STAU1: variants seen among roughly 807,000 people sequenced by gnomAD.
STAU1 encodes the protein double-stranded RNA-binding protein Staufen homolog 1.
Under a neutral mutation model 62.9 loss-of-function variants are expected in STAU1, and 13 were observed. The ratio of observed to expected loss-of-function variants is 0.21; its 90% CI spans 0.13 to 0.33. The LOEUF (loss-of-function observed/expected upper bound fraction) is 0.33. Ranked by LOEUF, STAU1 falls within the 10% of genes least tolerant of loss-of-function variation. The pLI is 1.00. For missense variants in STAU1, 571 were observed against 712.1 expected (o/e 0.80, Z 2.25); for synonymous variants, 269 against 265.1 (o/e 1.01, Z -0.14).
chr20:49,186,962 G>C (rs895295724), intron 1 of STAU1, among the ~76,000 whole-genome samples: 3 of 152,058 alleles, frequency 2.0e-5, no homozygotes, highest in African/African-American at 7.2e-5. Flanking sequence ...AAGCAATACT[G>C]CAACACGGAG....
At chr20:49,171,813 C>T (rs1450494126) in intron 2 of STAU1, among the ~76,000 whole-genome samples, 2 of 151,576 alleles carry the variant, frequency 1.3e-5, no homozygotes, top group African/African-American at 4.9e-5. Flanking sequence ...CCAAAATGAC[C>T]GCTTTAAGGT....
At chr20:49,183,287 T>C (rs2146605321) in intron 1 of STAU1, among the ~76,000 whole-genome samples, 1 of 152,260 alleles carries the variant, frequency 6.6e-6, no homozygotes, top group African/African-American at 2.4e-5. Flanking sequence ...AAGCTCTTAT[T>C]TGAGAGGGGA....
intron 5 of STAU1, among the ~76,000 whole-genome samples, chr20:49,137,189 G>T (rs377039215): frequency 6.6e-6 from 1 of 152,046 alleles, no homozygotes; most frequent in Non-Finnish European, 1.5e-5. Context: ...TAAAAATAAA[G>T]AAATAAATAA....
In STAU1 at chr20:49,151,625, G is replaced by A. The variant is rs752062985; in HGVS notation, c.467C>T (p.Ala156Val). Residue 156 changes from alanine (A) to valine (V), a missense_variant, in exon 5 of 14, where the codon GCG becomes GTG. Ala to Val is a moderately conservative substitution (Grantham distance 64). Around this residue, in one of 3 missense-constraint regions of STAU1, gnomAD observed 414 missense variants for 499.6 expected, o/e 0.83. Transcript: ENST00000371856. ...GGGCTCATTCTGCAGGATCCTCAAC[G>A]CTTTGGCAGCAGCATCGTGTTTCGC... Reference protein sequence around the residue: ...QAAKHDAAAKALRILQNEPLP... With the variant: ...QAAKHDAAAKVLRILQNEPLP... 10 of 1,611,710 alleles carry A rather than the reference G, an allele frequency of 6.2e-6. No homozygotes were observed. Among genetic ancestry groups the A allele is most frequent in the Middle Eastern group, 1.6e-4 (1 of 6,076 alleles).
chr20:49,134,474 G>A (rs1005642397), intron 6 of STAU1: 13 of 781,858 alleles, frequency 1.7e-5, no homozygotes, highest in African/African-American at 3.6e-5. Context: ...CCCGGGCGCC[G>A]CCAAGATGCC....
intron 6 of STAU1, among the ~76,000 whole-genome samples, chr20:49,132,147 G>A (rs1338397427): frequency 6.6e-6 from 1 of 151,992 alleles, no homozygotes; most frequent in Non-Finnish European, 1.5e-5. Context: ...CCCGTGGACT[G>A]ATTTTAAAGA....
chr20:49,125,879 T>C (rs1353276611), intron 6 of STAU1, among the ~76,000 whole-genome samples: 1 of 151,752 alleles, frequency 6.6e-6, no homozygotes, highest in African/African-American at 2.4e-5. Context: ...CTACAACAGG[T>C]GTGAGGGATT....
chr20:49,159,786 T>G (rs2093421117), intron 3 of STAU1, among the ~76,000 whole-genome samples: 1 of 152,152 alleles, frequency 6.6e-6, no homozygotes, highest in South Asian at 2.1e-4. Flanking sequence ...GGTCTCAAAC[T>G]CCTGACCTCA....
chr20:49,194,429 C>CAA, the STAU1 span, among the ~76,000 whole-genome samples: 266 of 81,110 alleles, frequency 3.3e-3, 4 homozygotes, highest in African/African-American at 0.014. Flanking sequence ...AACTCCGTCT[C>CAA]AAAAAAAAAA....
chr20:49,138,666 A>G (rs1012437954), intron 5 of STAU1, among the ~76,000 whole-genome samples: 1 of 151,556 alleles, frequency 6.6e-6, no homozygotes, highest in African/African-American at 2.4e-5. Context: ...ACTCCCAGCT[A>G]TTTTTTTTAA....
chr20:49,127,677 G>A (rs2092660382), intron 6 of STAU1, among the ~76,000 whole-genome samples: 1 of 151,532 alleles, frequency 6.6e-6, no homozygotes, highest in South Asian at 2.1e-4. Flanking sequence ...TTGCATTCCA[G>A]CCCGGATGAC....
the STAU1 span, among the ~76,000 whole-genome samples, chr20:49,213,775 C>G: frequency 6.6e-6 from 1 of 152,204 alleles, no homozygotes; most frequent in Non-Finnish European, 1.5e-5. Flanking sequence ...ACTACTGTCT[C>G]TTTCAAACTC....
the STAU1 span, among the ~76,000 whole-genome samples, chr20:49,213,966 C>G: frequency 6.6e-6 from 1 of 152,216 alleles, no homozygotes; most frequent in East Asian, 1.9e-4. Context: ...AATCCCAGCA[C>G]TTTGGGAGGC....
At chr20:49,164,291 CAAG>C (rs1174147587) in intron 3 of STAU1, among the ~76,000 whole-genome samples, 3 of 151,822 alleles carry the variant, frequency 2.0e-5, no homozygotes, top group Non-Finnish European at 4.4e-5. Context: ...CCTTGCCAGC[CAAG>C]AAGGAGACTT....
At position 49,124,370 on chromosome 20, in the gene STAU1, C is replaced by A. The variant is rs2092541871; in HGVS notation, c.822+5G>T. 6.2e-7 allele frequency: 1 copy of A among 1,613,250 alleles called. No individual in the cohort carries two copies. Among genetic ancestry groups the A allele is most frequent in the African/African-American group, 1.3e-5 (1 of 74,872 alleles). On this transcript the variant is annotated splice_donor_5th_base_variant and intron_variant, in intron 7 of 13. Transcript: ENST00000371856. ...AACACCTTCTGTGTTCAGAAAAGTT[C>A]TCACCTTGACTATGGGTTTTGTTTT...
chr20:49,204,735 G>A, the STAU1 span, among the ~76,000 whole-genome samples: 6 of 140,528 alleles, frequency 4.3e-5, no homozygotes, highest in Non-Finnish European at 7.5e-5. Flanking sequence ...TGCAACCTCT[G>A]CCTCCCAGGT....
intron 3 of STAU1, among the ~76,000 whole-genome samples, chr20:49,155,797 C>T (rs1381384328): frequency 1.3e-5 from 2 of 152,158 alleles, no homozygotes; most frequent in African/African-American, 4.8e-5. Context: ...CTCTGATCCA[C>T]AGAATTTGTC....
chr20:49,191,919 T>C (rs1004447653), upstream of STAU1, among the ~76,000 whole-genome samples: 2 of 150,730 alleles, frequency 1.3e-5, no homozygotes, highest in African/African-American at 4.9e-5. Flanking sequence ...GCCGTGGTGG[T>C]ATGCAACTTT....
At chr20:49,210,089 C>T in the STAU1 span, among the ~76,000 whole-genome samples, 4 of 151,946 alleles carry the variant, frequency 2.6e-5, no homozygotes, top group Admixed American at 2.0e-4. Flanking sequence ...TAAATAAATT[C>T]GCTACGCTTA....
Sources: gnomAD v4.1 joint callset for allele counts (sites outside exome capture counted in the v4.1 genomes callset) on GRCh38, gnomAD v4.1.1 for gene constraint, gnomAD v4.1.1 regional missense constraint, MANE v1.5 for transcripts, NCBI Gene and HGNC (gene_info 2026-07-23, HGNC 2026-07-21) for gene names.